Variants in SLC2A13 observed in about 807,000 individuals in gnomAD.
SLC2A13 encodes proton myo-inositol cotransporter.
Under a neutral mutation model 64.4 loss-of-function variants are expected in SLC2A13, and 32 were observed. That is an observed-to-expected ratio of 0.50 (90% CI 0.37 to 0.67). The LOEUF (loss-of-function observed/expected upper bound fraction) is 0.67, where lower values mean the gene tolerates loss of function less well. Among genes scored for constraint, SLC2A13 ranks in the 30% least tolerant of loss-of-function variants. The pLI is 0.00. For missense variants in SLC2A13, 743 were observed against 829.2 expected, an observed-to-expected ratio of 0.90 and a Z score of 1.28; for synonymous variants, 338 against 327.1, an observed-to-expected ratio of 1.03 and a Z score of -0.36.
chr12:39,851,278 C>T (rs566503364), intron 6 of SLC2A13, among the ~76,000 whole-genome samples: 19 of 152,064 alleles, frequency 1.2e-4, no homozygotes, highest in Non-Finnish European at 2.6e-4. Flanking sequence ...ATTAGAAAAA[C>T]GCTACTCAGT....
intron 1 of SLC2A13, among the ~76,000 whole-genome samples, chr12:40,079,259 T>C (rs1267786931): frequency 1.3e-5 from 2 of 152,226 alleles, no homozygotes; most frequent in African/African-American, 2.4e-5. Context: ...TTTAGCACTA[T>C]AAACTTTCCT....
rs28370608 is a variant in SLC2A13 at position 39,958,067 on chromosome 12, G to A, written c.926-6702C>T. Among the ~76,000 whole-genome samples the A allele has an allele frequency of 5.0e-3, 758 of 152,276 alleles. 3 individuals carry two copies. Among genetic ancestry groups the A allele is most frequent in the South Asian group, 0.022 (106 of 4,828 alleles). On this transcript the variant is annotated intron_variant, in intron 3 of 9. Coordinates refer to ENST00000280871, the MANE Select transcript of SLC2A13 (RefSeq NM_052885.4). Reference sequence around the variant, plus strand: ...AGTCCTCATTTCTCACCCCAAACTTGTTTTTTACCCCATGTTATCTAATTT... The same window carrying A: ...AGTCCTCATTTCTCACCCCAAACTTATTTTTTACCCCATGTTATCTAATTT...
At chr12:39,964,868 G>A (rs928136143) in intron 3 of SLC2A13, among the ~76,000 whole-genome samples, 2 of 152,096 alleles carry the variant, frequency 1.3e-5, no homozygotes, top group African/African-American at 4.8e-5. Flanking sequence ...TGCTGAACCT[G>A]CTTTCAGTTA....
intron 1 of SLC2A13, among the ~76,000 whole-genome samples, chr12:40,076,486 A>T (rs1013745757): frequency 6.6e-6 from 1 of 152,048 alleles, no homozygotes; most frequent in Non-Finnish European, 1.5e-5. Flanking sequence ...AAAGGACATG[A>T]TCTGATTTTT....
rs577881833 is a variant in SLC2A13, at chr12:39,890,961, G to A, written c.1035-19000C>T. Among the ~76,000 whole-genome samples the A allele has an allele frequency of 9.9e-4, 150 of 151,972 alleles. 1 individual carries two copies. Among genetic ancestry groups the A allele is most frequent in the Non-Finnish European group, 1.4e-3 (94 of 67,980 alleles). On this transcript the variant is annotated intron_variant, in intron 4 of 9. Transcript: ENST00000280871. ...AAAGTATACATACATGATGCAAAGT[G>A]AAATGTCATCTCTGGGGTAAGATTA...
At chr12:40,049,858 CAA>C (rs1948228060) in intron 1 of SLC2A13, among the ~76,000 whole-genome samples, 1 of 152,128 alleles carries the variant, frequency 6.6e-6, no homozygotes, top group Non-Finnish European at 1.5e-5. Context: ...AATTTGCACA[CAA>C]GTCAAACCAT....
intron 4 of SLC2A13, among the ~76,000 whole-genome samples, chr12:39,883,591 A>G (rs1472927087): frequency 6.6e-6 from 1 of 152,156 alleles, no homozygotes; most frequent in Non-Finnish European, 1.5e-5. Context: ...AGGTCATGGC[A>G]TTTACTTCCT....
At chr12:40,009,157 A>C (rs1947476689) in intron 3 of SLC2A13, among the ~76,000 whole-genome samples, 2 of 152,148 alleles carry the variant, frequency 1.3e-5, no homozygotes, top group South Asian at 4.1e-4. Flanking sequence ...TATGGCCAGC[A>C]GTGGAGCAGA....
intron 6 of SLC2A13, among the ~76,000 whole-genome samples, chr12:39,854,489 A>C (rs1943553290): frequency 6.6e-6 from 1 of 152,116 alleles, no homozygotes; most frequent in Non-Finnish European, 1.5e-5. Flanking sequence ...CTTTTCCCTC[A>C]TACTTTGCCT....
At chr12:39,769,002 A>G (rs1940463990) in intron 7 of SLC2A13, among the ~76,000 whole-genome samples, 1 of 152,050 alleles carries the variant, frequency 6.6e-6, no homozygotes, top group East Asian at 1.9e-4. Flanking sequence ...GCCATTTTTC[A>G]CCATTTGAGT....
intron 6 of SLC2A13, among the ~76,000 whole-genome samples, chr12:39,849,918 T>C (rs1943422469): frequency 6.6e-6 from 1 of 152,136 alleles, no homozygotes; most frequent in Admixed American, 6.5e-5. Flanking sequence ...GGTAATATTG[T>C]TTCTTCTTCT....
At chr12:40,070,914 G>A (rs556999674) in intron 1 of SLC2A13, among the ~76,000 whole-genome samples, 38 of 152,196 alleles carry the variant, frequency 2.5e-4, no homozygotes, top group Non-Finnish European at 2.8e-4. Flanking sequence ...CGGAATATAA[G>A]CAGGACAAAT....
rs74338306 is a variant in SLC2A13, at chr12:40,085,828, G to A, written c.556+19425C>T. 3.2e-3 allele frequency among the ~76,000 whole-genome samples: 490 copies of A among 152,040 alleles called. 3 individuals are homozygous for A. Among genetic ancestry groups the A allele is most frequent in the Non-Finnish European group, 5.5e-3 (372 of 68,016 alleles). Reference sequence around the variant, plus strand: ...TATTTACATAAAAGATTTGAAAGCAGGACCCAGGATTTCCAATTTCACGTC... The same window carrying A: ...TATTTACATAAAAGATTTGAAAGCAAGACCCAGGATTTCCAATTTCACGTC... On this transcript the variant is annotated intron_variant, in intron 1 of 9. Transcript: ENST00000280871.
chr12:39,785,314 C>T (rs1566786618), intron 7 of SLC2A13, among the ~76,000 whole-genome samples: 2 of 152,216 alleles, frequency 1.3e-5, no homozygotes, highest in South Asian at 2.1e-4. Flanking sequence ...GGCCAACATA[C>T]AGCTCTGGCT....
intron 4 of SLC2A13, among the ~76,000 whole-genome samples, chr12:39,922,005 T>C (rs748931434): frequency 2.6e-5 from 4 of 151,378 alleles, no homozygotes; most frequent in Admixed American, 6.6e-5. Flanking sequence ...GCTTATGTGA[T>C]GTACCTACAT....
chr12:39,958,507 T>C (rs1451158344), intron 3 of SLC2A13, among the ~76,000 whole-genome samples: 1 of 152,142 alleles, frequency 6.6e-6, no homozygotes, highest in East Asian at 1.9e-4. Context: ...TAATATGTGG[T>C]CTCAACATCC....
chr12:39,851,580 C>T (rs1198561718), intron 6 of SLC2A13, among the ~76,000 whole-genome samples: 1 of 152,136 alleles, frequency 6.6e-6, no homozygotes, highest in Non-Finnish European at 1.5e-5. Context: ...GCAACATTAT[C>T]ATCCATGCTA....
chr12:40,028,756 G>C (rs1188186028), intron 2 of SLC2A13, among the ~76,000 whole-genome samples: 1 of 152,080 alleles, frequency 6.6e-6, no homozygotes, highest in Non-Finnish European at 1.5e-5. Context: ...AAAAGAATGA[G>C]CAAAAGCTAC....
At position 40,096,359 on chromosome 12, in the gene SLC2A13, C is replaced by T. The variant is rs188086114; in HGVS notation, c.556+8894G>A. Among the ~76,000 whole-genome samples, 29 of 152,108 alleles carry T rather than the reference C, an allele frequency of 1.9e-4. 1 individual carries two copies. Among genetic ancestry groups the T allele is most frequent in the Admixed American group, 1.4e-3 (21 of 15,284 alleles). On this transcript the variant is annotated intron_variant, in intron 1 of 9. Coordinates refer to ENST00000280871, the MANE Select transcript of SLC2A13 (RefSeq NM_052885.4). ...CTGTATTTTTCTTGTTGTATACAGT[C>T]TATTCAGTATAATTTGAGGATAAAT... is the stretch of plus-strand genomic sequence containing the variant.
Sources: allele counts gnomAD v4.1 joint callset (sites outside exome capture counted in the v4.1 genomes callset), GRCh38; gene constraint gnomAD v4.1.1; transcripts MANE v1.5; gene names NCBI Gene and HGNC (gene_info 2026-07-23, HGNC 2026-07-21).